Variants in CAMK1D observed in about 807,000 individuals in gnomAD.
CAMK1D encodes calcium/calmodulin dependent protein kinase ID.
Under a neutral mutation model 47.7 loss-of-function variants are expected in CAMK1D, and 9 were observed. The ratio of observed to expected loss-of-function variants is 0.19; its 90% CI spans 0.11 to 0.33. CAMK1D has a LOEUF of 0.33. Among genes scored for constraint, CAMK1D ranks in the 10% least tolerant of loss-of-function variants. The probability of loss-of-function intolerance (pLI) is 1.00; values close to 1 mark genes in which losing one functional copy is unlikely to be tolerated. For missense variants in CAMK1D, 291 were observed against 488.7 expected, an observed-to-expected ratio of 0.60 and a Z score of 3.81; for synonymous variants, 184 against 184.9, an observed-to-expected ratio of 0.99 and a Z score of 0.04.
chr10:12,825,996 G>A (rs1270184424), intron 10 of CAMK1D: 1 of 337,638 alleles, frequency 3.0e-6, no homozygotes, highest in Middle Eastern at 8.9e-4. Context: ...AATTAGCCGG[G>A]TGTGGTGGCG....
intron 5 of CAMK1D, 133 bp from the exon 6 acceptor site, chr10:12,791,025 T>A: frequency 1.4e-6 from 1 of 698,694 alleles, no homozygotes. Flanking sequence ...AGCCAACACA[T>A]AAAATGGGTT....
At chr10:12,741,337 A>G (rs899988064) in intron 3 of CAMK1D, among the ~76,000 whole-genome samples, 2 of 152,184 alleles carry the variant, frequency 1.3e-5, no homozygotes, top group African/African-American at 2.4e-5. Context: ...AAGTTCAGCA[A>G]ATCCCTCTGC....
rs530293453 is a variant in CAMK1D at position 12,493,227 on chromosome 10, C to T, written c.93-59998C>T. Among the ~76,000 whole-genome samples the T allele has an allele frequency of 3.0e-4, 46 of 152,178 alleles. 1 individual carries two copies. The South Asian group carries it at 4.4e-3, about 14-fold the overall frequency. Reference sequence around the variant, plus strand: ...CTATAAGAAGTGGTGTTGTGGCTAGCGAATGATTTCTATAAGGGTTGAGGA... The same window carrying T: ...CTATAAGAAGTGGTGTTGTGGCTAGTGAATGATTTCTATAAGGGTTGAGGA... On this transcript the variant is annotated intron_variant, in intron 1 of 10. Transcript: ENST00000619168.
chr10:12,585,480 A>G (rs1354674141), intron 2 of CAMK1D, among the ~76,000 whole-genome samples: 1 of 152,230 alleles, frequency 6.6e-6, no homozygotes, highest in Non-Finnish European at 1.5e-5. Context: ...CTGCTGATAA[A>G]GATATACTCG....
intron 3 of CAMK1D, among the ~76,000 whole-genome samples, chr10:12,698,966 C>T (rs553936752): frequency 1.2e-4 from 18 of 152,050 alleles, no homozygotes; most frequent in East Asian, 3.9e-4. Context: ...CCACTGCACC[C>T]GGCCTAGAGA....
rs539855449 is a variant in CAMK1D at position 12,523,321 on chromosome 10, C to T, written c.93-29904C>T. On this transcript the variant is annotated intron_variant, in intron 1 of 10. Coordinates refer to ENST00000619168, the MANE Select transcript of CAMK1D (RefSeq NM_153498.4). ...GACGATGGGCGGCCAGGCAGAGACG[C>T]TCCTCATTTCCCAGACAGGGTGGTG... 3.3e-5 allele frequency among the ~76,000 whole-genome samples: 5 copies of T among 152,084 alleles called. No homozygotes were observed. The East Asian group carries it at 9.7e-4, about 29-fold the overall frequency.
intron 3 of CAMK1D, among the ~76,000 whole-genome samples, chr10:12,741,418 TC>T (rs1292533253): frequency 6.6e-6 from 1 of 152,190 alleles, no homozygotes; most frequent in Non-Finnish European, 1.5e-5. Context: ...TGAACCAGGC[TC>T]CTGACCCTGA....
intron 3 of CAMK1D, among the ~76,000 whole-genome samples, chr10:12,681,016 G>A (rs966789387): frequency 6.6e-6 from 1 of 151,970 alleles, no homozygotes; most frequent in Non-Finnish European, 1.5e-5. Flanking sequence ...TTTGGTGGTC[G>A]ACTCATAGAT....
chr10:12,365,384 C>T (rs528543531), intron 1 of CAMK1D, among the ~76,000 whole-genome samples: 1 of 152,086 alleles, frequency 6.6e-6, no homozygotes, highest in African/African-American at 2.4e-5. Context: ...TAGTAAAGAC[C>T]TCACATTAAT....
intron 6 of CAMK1D, among the ~76,000 whole-genome samples, chr10:12,806,183 C>T (rs2131052549): frequency 6.6e-6 from 1 of 152,246 alleles, no homozygotes. Flanking sequence ...CTCCAAATGA[C>T]CTTTTCTGGG....
chr10:12,553,267 T>A lies in CAMK1D; in HGVS notation c.135T>A (p.Thr45=). ...TGGTTTTAGCTGAAGAGAAGGCAACTGGCAAGCTCTTTGCTGTGAAGTGTA... is the reference window on the plus strand; with the variant it reads ...TGGTTTTAGCTGAAGAGAAGGCAACAGGCAAGCTCTTTGCTGTGAAGTGTA... The part of the protein sequence containing the change: ...SEVVLAEEKA[T]GKLFAVKCIP... The change falls in exon 2 of 11, where the codon ACT becomes ACA. Residue 45 remains threonine, a synonymous_variant. Coordinates refer to ENST00000619168, the MANE Select transcript of CAMK1D (RefSeq NM_153498.4). The A allele has an allele frequency of 1.2e-6, 2 of 1,614,200 alleles. No individual in the cohort carries two copies. The highest frequency in any genetic ancestry group is 1.7e-5 in the Admixed American group (1 of 60,024).
At chr10:12,475,053 A>G (rs1833862070) in intron 1 of CAMK1D, among the ~76,000 whole-genome samples, 1 of 152,172 alleles carries the variant, frequency 6.6e-6, no homozygotes, top group African/African-American at 2.4e-5. Flanking sequence ...ACAGTGCTGC[A>G]GTGAACGTAG....
chr10:12,461,394 A>G (rs1359303727), intron 1 of CAMK1D, among the ~76,000 whole-genome samples: 1 of 152,186 alleles, frequency 6.6e-6, no homozygotes, highest in Non-Finnish European at 1.5e-5. Flanking sequence ...AGCAGTTTAA[A>G]GAAGAGATGC....
In CAMK1D at chr10:12,769,752, G is replaced by A. The variant is rs1001126310; in HGVS notation, c.518G>A (p.Gly173Asp). ...GACTTTGGATTGTCAAAAATGGAGGGCAAAGGAGATGTGATGTCCACTGCC... is the reference window on the plus strand; with the variant it reads ...GACTTTGGATTGTCAAAAATGGAGGACAAAGGAGATGTGATGTCCACTGCC... ...ISDFGLSKME[G>D]KGDVMSTACG... Residue 173 changes from glycine to aspartate, a missense_variant, in exon 5 of 11, where the codon GGC becomes GAC. Transcript: ENST00000619168. 1.2e-6 allele frequency: 2 copies of A among 1,614,172 alleles called. No individual in the cohort carries two copies. The highest frequency in any genetic ancestry group is 1.7e-6 in the Non-Finnish European group (2 of 1,180,016).
At chr10:12,688,419 T>A (rs988486726) in intron 3 of CAMK1D, among the ~76,000 whole-genome samples, 1 of 152,238 alleles carries the variant, frequency 6.6e-6, no homozygotes, top group African/African-American at 2.4e-5. Flanking sequence ...TAACTTCTCT[T>A]TAGCCTCTGG....
intron 5 of CAMK1D, among the ~76,000 whole-genome samples, chr10:12,787,472 C>T (rs1186308856): frequency 1.3e-5 from 2 of 152,136 alleles, no homozygotes; most frequent in Non-Finnish European, 2.9e-5. Flanking sequence ...GAGCATAGAG[C>T]ACTCACGAGA....
At chr10:12,402,579 G>A (rs1839268615) in intron 1 of CAMK1D, among the ~76,000 whole-genome samples, 1 of 152,154 alleles carries the variant, frequency 6.6e-6, no homozygotes, top group Non-Finnish European at 1.5e-5. Context: ...GCTTTTTTGT[G>A]TGTTTGAAAG....
At chr10:12,358,979 C>A (rs1837587019) in intron 1 of CAMK1D, among the ~76,000 whole-genome samples, 1 of 152,080 alleles carries the variant, frequency 6.6e-6, no homozygotes, top group East Asian at 1.9e-4. Flanking sequence ...TTTAACCTCC[C>A]CCAAAATTTA....
chr10:12,446,131 G>T (rs1407076401), intron 1 of CAMK1D, among the ~76,000 whole-genome samples: 1 of 152,204 alleles, frequency 6.6e-6, no homozygotes, highest in Non-Finnish European at 1.5e-5. Flanking sequence ...CAGGCCCCAA[G>T]AGATGGTTCT....
Sources: gnomAD v4.1 joint callset for allele counts (sites outside exome capture counted in the v4.1 genomes callset) on GRCh38, gnomAD v4.1.1 for gene constraint, MANE v1.5 for transcripts, NCBI Gene and HGNC (gene_info 2026-07-23, HGNC 2026-07-21) for gene names.